Variants in CNTNAP2 observed in about 807,000 individuals in gnomAD.
The protein encoded by CNTNAP2 is contactin associated protein 2, also known as contactin-associated protein-like 2.
Under a neutral mutation model 155.2 loss-of-function variants are expected in CNTNAP2, and 98 were observed. The ratio of observed to expected loss-of-function variants is 0.63; its 90% CI spans 0.54 to 0.75. The LOEUF is 0.75. CNTNAP2 is among the 30% of genes least tolerant of loss of function. The pLI is 0.00. For synonymous variants in CNTNAP2, 651 were observed against 631.2 expected (o/e 1.03, Z -0.47); for missense variants, 1,727 against 1,688.1 (o/e 1.02, Z -0.40).
At position 148,385,589 on chromosome 7, in the gene CNTNAP2, C is replaced by T. The variant is rs529758976; in HGVS notation, c.3715+1701C>T. 2.0e-5 allele frequency among the ~76,000 whole-genome samples: 3 copies of T among 152,248 alleles called. No homozygotes were observed. In the South Asian group the frequency reaches 6.2e-4, roughly 32 times the overall value. ...AGGGCCAATAGACTAGTTTCTAAAA[C>T]ATCTAGATCCTACCTTGGGCCAATA... is the stretch of plus-strand genomic sequence containing the variant. On this transcript the variant is annotated intron_variant, in intron 22 of 23. Transcript: ENST00000361727.
intron 1 of CNTNAP2, among the ~76,000 whole-genome samples, chr7:146,711,786 TATACATATATA>T (rs1204834802): frequency 3.9e-5 from 5 of 127,776 alleles, no homozygotes; most frequent in Non-Finnish European, 9.0e-5. Flanking sequence ...ACATCTTATG[TATACATATATA>T]GTATACACAT....
At chr7:147,150,087 T>G (rs1215400552) in intron 8 of CNTNAP2, among the ~76,000 whole-genome samples, 1 of 152,224 alleles carries the variant, frequency 6.6e-6, no homozygotes, top group African/African-American at 2.4e-5. Flanking sequence ...AGATGTCTGC[T>G]ACCTATTTAG....
intron 1 of CNTNAP2, among the ~76,000 whole-genome samples, chr7:146,339,433 C>T (rs963913830): frequency 2.0e-5 from 3 of 152,028 alleles, no homozygotes; most frequent in South Asian, 2.1e-4. Flanking sequence ...TACAATTATT[C>T]CATAGTGACA....
chr7:147,060,574 A>T (rs1462765500), intron 4 of CNTNAP2, among the ~76,000 whole-genome samples: 1 of 152,014 alleles, frequency 6.6e-6, no homozygotes, highest in Non-Finnish European at 1.5e-5. Flanking sequence ...TACAAAAAAA[A>T]TATCTGGGGC....
At chr7:148,176,312 C>T (rs1206221279) in intron 18 of CNTNAP2, among the ~76,000 whole-genome samples, 1 of 147,912 alleles carries the variant, frequency 6.8e-6, no homozygotes, top group East Asian at 2.0e-4. Flanking sequence ...ACCTCTGCCT[C>T]CTAGGTTCAA....
intron 1 of CNTNAP2, among the ~76,000 whole-genome samples, chr7:146,273,205 C>T (rs1477311868): frequency 4.0e-5 from 6 of 149,110 alleles, no homozygotes; most frequent in African/African-American, 4.9e-5. Context: ...GTATTAAATG[C>T]GTCACGTGCA....
chr7:146,799,444 G>T (rs1802834812), intron 2 of CNTNAP2, among the ~76,000 whole-genome samples: 1 of 152,156 alleles, frequency 6.6e-6, no homozygotes, highest in Non-Finnish European at 1.5e-5. Context: ...AATGTTGGTT[G>T]GTTGAAAGAT....
chr7:146,822,333 A>G (rs1317434967), intron 2 of CNTNAP2, among the ~76,000 whole-genome samples: 2 of 151,928 alleles, frequency 1.3e-5, no homozygotes, highest in South Asian at 2.1e-4. Context: ...GCGTGGGGGC[A>G]GGGGGGAGTG....
At chr7:148,090,794 C>T (rs1052984339) in intron 15 of CNTNAP2, among the ~76,000 whole-genome samples, 2 of 152,112 alleles carry the variant, frequency 1.3e-5, no homozygotes, top group Admixed American at 1.3e-4. Context: ...GATAAGTGCA[C>T]TCCTATGTTT....
intron 2 of CNTNAP2, among the ~76,000 whole-genome samples, chr7:146,819,746 T>G (rs771509184): frequency 9.9e-5 from 15 of 152,182 alleles, no homozygotes; most frequent in Admixed American, 2.0e-4. Flanking sequence ...ATCGTTTTTT[T>G]CCGTTTCAGG....
At chr7:147,916,699 G>T (rs1800169449) in intron 14 of CNTNAP2, among the ~76,000 whole-genome samples, 2 of 149,054 alleles carry the variant, frequency 1.3e-5, no homozygotes, top group South Asian at 2.1e-4. Flanking sequence ...AATGCATTCT[G>T]CCCAAAAAAT....
chr7:146,269,081 C>A (rs2129082986), intron 1 of CNTNAP2, among the ~76,000 whole-genome samples: 1 of 152,246 alleles, frequency 6.6e-6, no homozygotes, highest in South Asian at 2.1e-4. Flanking sequence ...GTGGCTCACG[C>A]CTGTAATCCC....
chr7:146,880,395 C>A (rs144210001), intron 3 of CNTNAP2, among the ~76,000 whole-genome samples: 1 of 151,856 alleles, frequency 6.6e-6, no homozygotes, highest in Non-Finnish European at 1.5e-5. Context: ...TCACTAGGAA[C>A]CTGACCATGC....
intron 1 of CNTNAP2, among the ~76,000 whole-genome samples, chr7:146,332,424 C>T (rs568525542): frequency 1.5e-4 from 23 of 152,136 alleles, no homozygotes; most frequent in Non-Finnish European, 2.5e-4. Context: ...AATAGCTTAA[C>T]TATTATGTGA....
At chr7:147,217,324 C>G (rs1411118259) in intron 8 of CNTNAP2, among the ~76,000 whole-genome samples, 4 of 151,490 alleles carry the variant, frequency 2.6e-5, no homozygotes, top group Admixed American at 1.3e-4. Flanking sequence ...GGAAGTTTCC[C>G]CTTATTCCTA....
chr7:147,325,093 A>G (rs2620468), intron 9 of CNTNAP2, among the ~76,000 whole-genome samples: 77,060 of 151,728 alleles, frequency 0.51, 20,062 homozygotes, highest in East Asian at 0.73. Context: ...ACTTGAGGTC[A>G]GGAGTTCAAG....
At chr7:146,551,910 C>G (rs1171180400) in intron 1 of CNTNAP2, among the ~76,000 whole-genome samples, 1 of 152,002 alleles carries the variant, frequency 6.6e-6, no homozygotes, top group Admixed American at 6.6e-5. Flanking sequence ...TTATTCAGCT[C>G]ATATGATGTA....
chr7:147,968,599 T>G (rs774109995), intron 14 of CNTNAP2, among the ~76,000 whole-genome samples: 4 of 152,200 alleles, frequency 2.6e-5, no homozygotes, highest in Non-Finnish European at 4.4e-5. Context: ...CAGCCCCTGT[T>G]TGTTTTATGA....
chr7:146,615,087 A>G (rs1330601879), intron 1 of CNTNAP2, among the ~76,000 whole-genome samples: 1 of 152,222 alleles, frequency 6.6e-6, no homozygotes, highest in African/African-American at 2.4e-5. Flanking sequence ...AATGACCAAC[A>G]AAAGTTGACC....
Sources: allele counts gnomAD v4.1 joint callset (sites outside exome capture counted in the v4.1 genomes callset), GRCh38; gene constraint gnomAD v4.1.1; transcripts MANE v1.5; gene names NCBI Gene and HGNC (gene_info 2026-07-23, HGNC 2026-07-21).